The following CSMD1 variants were observed in gnomAD, a reference collection of about 807,000 sequenced individuals.
The protein encoded by CSMD1 is CUB and sushi domain-containing protein 1.
Under a neutral mutation model 417.5 loss-of-function variants are expected in CSMD1, and 213 were observed. The ratio of observed to expected loss-of-function variants is 0.51; its 90% CI spans 0.46 to 0.57. The LOEUF is 0.57. Ranked by LOEUF, CSMD1 falls within the 20% of genes least tolerant of loss-of-function variation. CSMD1 has a pLI of 0.00. For synonymous variants in CSMD1, 2,862 were observed against 1,736.8 expected, an observed-to-expected ratio of 1.65 and a Z score of -16.11; for missense variants, 6,923 against 4,529.7, an observed-to-expected ratio of 1.53 and a Z score of -15.17.
chr8:4,860,930 A>G (rs1393396073), intron 1 of CSMD1, among the ~76,000 whole-genome samples: 3 of 152,000 alleles, frequency 2.0e-5, no homozygotes, highest in Admixed American at 6.6e-5. Context: ...TCATCCCTCA[A>G]ACTTCAGCTC....
intron 18 of CSMD1, among the ~76,000 whole-genome samples, chr8:3,381,662 T>G (rs1227203627): frequency 6.6e-6 from 1 of 152,168 alleles, no homozygotes. Flanking sequence ...CACTAAAAAT[T>G]ATACAGACAC....
intron 1 of CSMD1, among the ~76,000 whole-genome samples, chr8:4,930,876 A>C (rs1807202638): frequency 6.6e-6 from 1 of 152,254 alleles, no homozygotes; most frequent in South Asian, 2.1e-4. Context: ...GGTTCCCAGA[A>C]TTACTGTATG....
At chr8:3,565,819 G>C (rs1298364127) in intron 10 of CSMD1, among the ~76,000 whole-genome samples, 2 of 149,360 alleles carry the variant, frequency 1.3e-5, no homozygotes, top group South Asian at 2.1e-4. Flanking sequence ...CAAATATATT[G>C]TTTTTTTTTT....
At chr8:3,522,642 T>A (rs184757048) in intron 10 of CSMD1, among the ~76,000 whole-genome samples, 2 of 151,956 alleles carry the variant, frequency 1.3e-5, no homozygotes, top group Non-Finnish European at 1.5e-5. Context: ...GGCAGTACTT[T>A]ATTGCAGACT....
chr8:4,127,029 G>A (rs971641834), intron 3 of CSMD1, among the ~76,000 whole-genome samples: 1 of 151,980 alleles, frequency 6.6e-6, no homozygotes, highest in Non-Finnish European at 1.5e-5. Context: ...TATATACCCT[G>A]GCCTCCAAAA....
intron 5 of CSMD1, among the ~76,000 whole-genome samples, chr8:3,953,742 C>T (rs976754271): frequency 6.6e-6 from 1 of 152,056 alleles, no homozygotes; most frequent in African/African-American, 2.4e-5. Flanking sequence ...CCACAGAGCC[C>T]CTGAGCTGCT....
At chr8:3,619,467 C>G (rs1802311655) in intron 7 of CSMD1, among the ~76,000 whole-genome samples, 1 of 152,074 alleles carries the variant, frequency 6.6e-6, no homozygotes, top group Non-Finnish European at 1.5e-5. Context: ...TAGATACAGT[C>G]ACTGAAGAAA....
At chr8:4,744,629 C>G (rs186911609) in intron 1 of CSMD1, among the ~76,000 whole-genome samples, 4 of 152,248 alleles carry the variant, frequency 2.6e-5, no homozygotes, top group African/African-American at 9.6e-5. Flanking sequence ...ATAGGAGCAA[C>G]TCTAACAATA....
chr8:3,154,023 G>A lies in CSMD1; in HGVS notation c.5915-2510C>T, dbSNP rs1252595944. 3.2e-4 allele frequency among the ~76,000 whole-genome samples: 49 copies of A among 152,166 alleles called. 1 individual carries two copies. Among genetic ancestry groups the A allele is most frequent in the Non-Finnish European group, 5.9e-5 (4 of 68,026 alleles). ...GCCCTGTCACCCAGGCTGGACTGCA[G>A]TGGTGCAATCTCAGCTCACTGCAAC... On this transcript the variant is annotated intron_variant, in intron 39 of 69. Coordinates refer to ENST00000635120, the MANE Select transcript of CSMD1 (RefSeq NM_033225.6).
chr8:3,777,187 T>A (rs1388660444), intron 5 of CSMD1, among the ~76,000 whole-genome samples: 1 of 151,356 alleles, frequency 6.6e-6, no homozygotes. Context: ...GTGTGTCTGT[T>A]ACTTGTTATA....
At position 3,405,341 on chromosome 8, in the gene CSMD1, G is replaced by A. The variant is rs191950050; in HGVS notation, c.2266+686C>T. Among the ~76,000 whole-genome samples the A allele has an allele frequency of 1.2e-3, 189 of 152,196 alleles. 1 individual carries two copies. Among genetic ancestry groups the A allele is most frequent in the Admixed American group, 2.6e-3 (40 of 15,288 alleles). ...TTTTTAAAATGAGTAATTATTAGAG[G>A]CAACATCTTTTTCCTTAAAATATTT... On this transcript the variant is annotated intron_variant, in intron 15 of 69. Transcript: ENST00000635120.
intron 5 of CSMD1, among the ~76,000 whole-genome samples, chr8:3,939,008 A>G (rs767698715): frequency 2.6e-5 from 4 of 152,128 alleles, no homozygotes; most frequent in Admixed American, 6.6e-5. Context: ...GTAGAATATT[A>G]CATGTATAGT....
intron 2 of CSMD1, among the ~76,000 whole-genome samples, chr8:4,602,060 G>C (rs766530230): frequency 1.3e-5 from 2 of 152,178 alleles, no homozygotes; most frequent in African/African-American, 4.8e-5. Context: ...TATAGAAATA[G>C]ATAAAGGATG....
At chr8:3,667,578 A>C (rs541973893) in intron 7 of CSMD1, among the ~76,000 whole-genome samples, 117 of 152,274 alleles carry the variant, frequency 7.7e-4, no homozygotes, top group Non-Finnish European at 1.1e-3. Flanking sequence ...CTTGGAGACA[A>C]CATAAACACC....
intron 3 of CSMD1, among the ~76,000 whole-genome samples, chr8:4,042,814 T>TAAAAAAAAAA (rs1563355345): frequency 2.9e-4 from 6 of 21,016 alleles, no homozygotes; most frequent in African/African-American, 1.0e-3. Flanking sequence ...GTACAACATA[T>TAAAAAAAAAA]TAAAAAAAAA....
chr8:4,907,686 G>C (rs927988992), intron 1 of CSMD1, among the ~76,000 whole-genome samples: 4 of 151,570 alleles, frequency 2.6e-5, no homozygotes, highest in Non-Finnish European at 4.4e-5. Context: ...AACTACTAGA[G>C]TAGCTGGGAC....
At chr8:3,794,910 C>T (rs1480424650) in intron 5 of CSMD1, among the ~76,000 whole-genome samples, 1 of 151,770 alleles carries the variant, frequency 6.6e-6, no homozygotes, top group African/African-American at 2.4e-5. Context: ...GGTTTCCTAC[C>T]CATTTTCATC....
At chr8:3,132,938 C>T (rs563955970) in intron 41 of CSMD1, among the ~76,000 whole-genome samples, 4 of 152,330 alleles carry the variant, frequency 2.6e-5, no homozygotes, top group Admixed American at 2.6e-4. Flanking sequence ...GGAAGACCCT[C>T]CTTCGCCCAG....
intron 1 of CSMD1, among the ~76,000 whole-genome samples, chr8:4,873,594 T>C (rs1309380801): frequency 2.0e-5 from 3 of 152,146 alleles, no homozygotes; most frequent in African/African-American, 4.8e-5. Context: ...TCAACTTTTT[T>C]CAAGGCTAGA....
Sources: allele counts gnomAD v4.1 joint callset (sites outside exome capture counted in the v4.1 genomes callset), GRCh38; gene constraint gnomAD v4.1.1; transcripts MANE v1.5; gene names NCBI Gene and HGNC (gene_info 2026-07-23, HGNC 2026-07-21).